The following SNTG2 variants were observed in gnomAD, a reference collection of about 807,000 sequenced individuals.
SNTG2 encodes syntrophin gamma 2, also known as gamma-2-syntrophin.
Under a neutral mutation model 70.9 loss-of-function variants are expected in SNTG2, and 74 were observed. That is an observed-to-expected ratio of 1.04 (90% CI 0.86 to 1.27). The LOEUF is 1.27. Ranked by LOEUF, SNTG2 falls within the 50% of genes most tolerant of loss-of-function variation. SNTG2 has a pLI of 0.00. For synonymous variants in SNTG2, 278 were observed against 273.8 expected, an observed-to-expected ratio of 1.02 and a Z score of -0.15; for missense variants, 717 against 690.7, an observed-to-expected ratio of 1.04 and a Z score of -0.43.
At chr2:1,114,369 CTAAG>C (rs1021251775) in intron 4 of SNTG2, among the ~76,000 whole-genome samples, 18 of 151,506 alleles carry the variant, frequency 1.2e-4, no homozygotes, top group African/African-American at 4.4e-4. Context: ...ATCCTGTGTG[CTAAG>C]TGAGGTTTAA....
intron 14 of SNTG2, among the ~76,000 whole-genome samples, chr2:1,275,386 G>C (rs1426314601): frequency 1.3e-5 from 2 of 152,226 alleles, no homozygotes; most frequent in Non-Finnish European, 2.9e-5. Context: ...TCTGTGCTCT[G>C]TCATGTCTCC....
intron 1 of SNTG2, among the ~76,000 whole-genome samples, chr2:1,048,149 TC>T (rs1178185352): frequency 1.6e-4 from 24 of 152,318 alleles, no homozygotes; most frequent in Admixed American, 1.4e-3. Flanking sequence ...ATTCGCATTG[TC>T]TCTTTCTATT....
chr2:1,148,765 T>A lies in SNTG2; in HGVS notation c.411+10956T>A, dbSNP rs548572331. ...GATGTTCTTCCAAGCCGGACCCACA[T>A]AGAGGGGCTTTCAAGAGTGAAGGAA... On this transcript the variant is annotated intron_variant, in intron 6 of 16. Coordinates refer to ENST00000308624, the MANE Select transcript of SNTG2 (RefSeq NM_018968.4). Among the ~76,000 whole-genome samples the A allele has an allele frequency of 1.1e-4, 17 of 152,120 alleles. No individual in the cohort carries two copies. In the East Asian group the frequency reaches 2.9e-3, roughly 26 times the overall value.
chr2:1,245,292 GAAAT>G lies in SNTG2; in HGVS notation c.889-2032_889-2029del, dbSNP rs770895972. On this transcript the variant is annotated intron_variant, in intron 11 of 16. Coordinates refer to ENST00000308624, the MANE Select transcript of SNTG2 (RefSeq NM_018968.4). ...TAATAAAAAAAAAGGAAAAAAAAAA[GAAAT>G]AAGTCCTCCTCAAGAGCTTTAGCAA... 3.3e-5 allele frequency among the ~76,000 whole-genome samples: 5 copies of G among 151,658 alleles called. No individual in the cohort carries two copies. The South Asian group carries it at 8.4e-4, about 26-fold the overall frequency.
intron 11 of SNTG2, among the ~76,000 whole-genome samples, chr2:1,247,048 A>G (rs1335119102): frequency 6.6e-6 from 1 of 152,240 alleles, no homozygotes; most frequent in East Asian, 1.9e-4. Flanking sequence ...TAAAAGATAA[A>G]CCAACAACTC....
At chr2:1,141,835 G>C (rs924341045) in intron 6 of SNTG2, among the ~76,000 whole-genome samples, 1 of 152,140 alleles carries the variant, frequency 6.6e-6, no homozygotes, top group Non-Finnish European at 1.5e-5. Flanking sequence ...TGAGACAAGT[G>C]TGGGATGAGT....
In SNTG2 at chr2:961,749, C is replaced by T. The variant is rs116535919; in HGVS notation, c.72+10681C>T. On this transcript the variant is annotated intron_variant, in intron 1 of 16. Coordinates refer to ENST00000308624, the MANE Select transcript of SNTG2 (RefSeq NM_018968.4). ...AAGATAGTGACAGCCTGTTTGTCTC[C>T]GTGCTGAACTGATCATGGCAGTGGA... Among the ~76,000 whole-genome samples the T allele has an allele frequency of 3.9e-3, 591 of 152,236 alleles. 2 individuals are homozygous for T. Among genetic ancestry groups the T allele is most frequent in the African/African-American group, 0.014 (564 of 41,540 alleles).
chr2:1,210,103 A>C (rs1673940067), intron 9 of SNTG2, among the ~76,000 whole-genome samples: 1 of 152,214 alleles, frequency 6.6e-6, no homozygotes, highest in South Asian at 2.1e-4. Flanking sequence ...ATTGCTTTTC[A>C]TGAAGCGTTA....
chr2:1,155,003 CAA>C (rs989388407), intron 6 of SNTG2, among the ~76,000 whole-genome samples: 2 of 81,266 alleles, frequency 2.5e-5, no homozygotes, highest in African/African-American at 5.8e-5. Flanking sequence ...TACACACACA[CAA>C]ACAACACATA....
At chr2:1,200,081 A>G (rs1673182430) in intron 8 of SNTG2, among the ~76,000 whole-genome samples, 1 of 152,026 alleles carries the variant, frequency 6.6e-6, no homozygotes, top group Admixed American at 6.5e-5. Flanking sequence ...CAAAAAGAAC[A>G]GAACTTAAGC....
intron 1 of SNTG2, among the ~76,000 whole-genome samples, chr2:962,354 G>A (rs1360711147): frequency 6.6e-6 from 1 of 152,164 alleles, no homozygotes; most frequent in Non-Finnish European, 1.5e-5. Flanking sequence ...TTGTAGGTGT[G>A]AGCCACCATG....
intron 14 of SNTG2, among the ~76,000 whole-genome samples, chr2:1,279,850 A>G (rs1190219783): frequency 6.6e-6 from 1 of 152,260 alleles, no homozygotes; most frequent in Non-Finnish European, 1.5e-5. Context: ...TACATTGTAT[A>G]TGAGAGAGAC....
Position 1,033,647 on chromosome 2 carries a change from A to G in SNTG2, c.73-49871A>G, listed in dbSNP as rs1660967659. Among the ~76,000 whole-genome samples, 3 of 152,226 alleles carry G rather than the reference A, an allele frequency of 2.0e-5. No homozygotes were observed. In the South Asian group the frequency reaches 6.2e-4, roughly 32 times the overall value. ...TTGGAGTCCTGAAAAAGTTGTGGCC[A>G]ACAATTTTTGCCAGTCTGCTGTCTT... is the stretch of plus-strand genomic sequence containing the variant. On this transcript the variant is annotated intron_variant, in intron 1 of 16. Coordinates refer to ENST00000308624, the MANE Select transcript of SNTG2 (RefSeq NM_018968.4).
chr2:978,282 C>T (rs1004474637), intron 1 of SNTG2, among the ~76,000 whole-genome samples: 8 of 152,064 alleles, frequency 5.3e-5, no homozygotes, highest in South Asian at 4.1e-4. Context: ...GCTCAGTATA[C>T]GTGGAAAATA....
intron 1 of SNTG2, among the ~76,000 whole-genome samples, chr2:974,077 G>GT (rs886368812): frequency 6.6e-6 from 1 of 152,072 alleles, no homozygotes; most frequent in Non-Finnish European, 1.5e-5. Flanking sequence ...GTTATTTTTG[G>GT]TTTTTTTAGC....
At chr2:970,459 C>T (rs1273042700) in intron 1 of SNTG2, among the ~76,000 whole-genome samples, 1 of 146,014 alleles carries the variant, frequency 6.8e-6, no homozygotes, top group African/African-American at 2.6e-5. Flanking sequence ...TGATGTTCCC[C>T]TTCCTGTGTC....
At chr2:1,314,546 C>T (rs1057483877) in intron 15 of SNTG2, among the ~76,000 whole-genome samples, 5 of 152,192 alleles carry the variant, frequency 3.3e-5, no homozygotes, top group African/African-American at 1.2e-4. Context: ...GACAGGCCCT[C>T]CAGGCCAGCT....
At chr2:1,265,211 G>C (rs940709731) in intron 13 of SNTG2, among the ~76,000 whole-genome samples, 2 of 152,198 alleles carry the variant, frequency 1.3e-5, no homozygotes, top group Non-Finnish European at 2.9e-5. Flanking sequence ...TTCTTGGTTT[G>C]TGACGTGTAA....
At chr2:1,162,679 G>A (rs979512729) in intron 6 of SNTG2, among the ~76,000 whole-genome samples, 12 of 152,058 alleles carry the variant, frequency 7.9e-5, no homozygotes, top group Non-Finnish European at 1.0e-4. Context: ...TGTCGTCGCC[G>A]TCATGAACCT....
Sources: allele counts gnomAD v4.1 joint callset (sites outside exome capture counted in the v4.1 genomes callset), GRCh38; gene constraint gnomAD v4.1.1; transcripts MANE v1.5; gene names NCBI Gene and HGNC (gene_info 2026-07-23, HGNC 2026-07-21).